Variants in DLC1 observed in about 807,000 individuals in gnomAD.
The protein encoded by DLC1 is rho GTPase-activating protein 7.
A neutral mutation model predicts 140.3 loss-of-function variants in DLC1; 54 were observed. That is an observed-to-expected ratio of 0.38 (90% CI 0.31 to 0.48). The LOEUF is 0.48. Among genes scored for constraint, DLC1 ranks in the 20% least tolerant of loss-of-function variants. The probability of loss-of-function intolerance (pLI) is 0.96; values close to 1 mark genes in which losing one functional copy is unlikely to be tolerated. For missense variants in DLC1, 2,536 were observed against 1,907.0 expected (o/e 1.33, Z -6.14); for synonymous variants, 986 against 728.1 (o/e 1.35, Z -5.70).
intron 2 of DLC1, among the ~76,000 whole-genome samples, chr8:13,427,369 C>T (rs1838639176): frequency 1.3e-5 from 2 of 152,198 alleles, no homozygotes; most frequent in African/African-American, 4.8e-5. Context: ...TCCTGAGGCT[C>T]CCCCTAGTCT....
chr8:13,582,889 T>C (rs1410596236), intron 1 of DLC1, among the ~76,000 whole-genome samples: 18 of 75,540 alleles, frequency 2.4e-4, no homozygotes, highest in Middle Eastern at 8.1e-3. Flanking sequence ...TATATATATA[T>C]ATATATATAT....
intron 1 of DLC1, among the ~76,000 whole-genome samples, chr8:13,570,887 A>T (rs1282572763): frequency 1.3e-5 from 2 of 152,132 alleles, no homozygotes; most frequent in African/African-American, 4.8e-5. Context: ...ATTCTAGACT[A>T]ACCTACCAGA....
chr8:13,422,719 T>C (rs1838374728), intron 2 of DLC1, among the ~76,000 whole-genome samples: 1 of 151,968 alleles, frequency 6.6e-6, no homozygotes, highest in Non-Finnish European at 1.5e-5. Flanking sequence ...ATCAATAATA[T>C]AGTATACACA....
At chr8:13,238,958 C>T (rs571948112) in intron 5 of DLC1, among the ~76,000 whole-genome samples, 3 of 152,292 alleles carry the variant, frequency 2.0e-5, no homozygotes, top group East Asian at 3.9e-4. Flanking sequence ...TGCACAGTCC[C>T]TGGCGTCAGG....
chr8:13,569,551 C>T (rs1804574369), intron 1 of DLC1, among the ~76,000 whole-genome samples: 1 of 152,018 alleles, frequency 6.6e-6, no homozygotes, highest in South Asian at 2.1e-4. Context: ...TAGAATTCCC[C>T]CATTAAAGGG....
intron 5 of DLC1, among the ~76,000 whole-genome samples, chr8:13,166,328 T>A (rs1274535038): frequency 1.3e-5 from 2 of 152,088 alleles, no homozygotes; most frequent in African/African-American, 4.8e-5. Context: ...TTTGATTTAT[T>A]TTTCTTTCTC....
intron 5 of DLC1, among the ~76,000 whole-genome samples, chr8:13,269,577 C>A (rs1233478259): frequency 4.0e-5 from 6 of 151,528 alleles, no homozygotes; most frequent in Admixed American, 1.3e-4. Context: ...TAGCCACAAC[C>A]CTATAGTCCT....
intron 1 of DLC1, among the ~76,000 whole-genome samples, chr8:13,525,249 G>A (rs1325349507): frequency 6.6e-6 from 1 of 152,114 alleles, no homozygotes; most frequent in Non-Finnish European, 1.5e-5. Flanking sequence ...GACATTTGGG[G>A]CAGTAACATT....
intron 15 of DLC1, 108 bp from the exon 16 acceptor site, chr8:13,088,812 A>T: frequency 1.2e-6 from 1 of 805,510 alleles, no homozygotes; most frequent in South Asian, 1.8e-5. Flanking sequence ...AATCAACGTT[A>T]ATTGATTAAA....
chr8:13,294,226 C>G (rs906642912), intron 5 of DLC1, among the ~76,000 whole-genome samples: 1 of 152,168 alleles, frequency 6.6e-6, no homozygotes, highest in African/African-American at 2.4e-5. Context: ...TTGCTGTGAA[C>G]TTAAAATTGC....
rs185904285 is a variant in DLC1, at chr8:13,351,274, G to A, written c.1314+42279C>T. On this transcript the variant is annotated intron_variant, in intron 4 of 17. Transcript: ENST00000276297. ...AGGGGAAAAGGATTATTATCCTCAT[G>A]TTATAGATGAAGACACTGAAGCACA... 4.9e-4 allele frequency among the ~76,000 whole-genome samples: 74 copies of A among 152,318 alleles called. 1 individual carries two copies. The highest frequency in any genetic ancestry group is 3.4e-3 in the Middle Eastern group (1 of 294).
chr8:13,302,515 G>C (rs1339662206), intron 5 of DLC1, among the ~76,000 whole-genome samples: 1 of 152,084 alleles, frequency 6.6e-6, no homozygotes, highest in East Asian at 1.9e-4. Flanking sequence ...ATAGAAGATA[G>C]CTACTTACAG....
At chr8:13,086,809 A>C (rs1467344002) in intron 16 of DLC1, among the ~76,000 whole-genome samples, 1 of 152,134 alleles carries the variant, frequency 6.6e-6, no homozygotes. Context: ...GGACTGCTTG[A>C]GCTCAGGAGT....
chr8:13,560,335 C>T (rs369391977), intron 1 of DLC1, among the ~76,000 whole-genome samples: 4 of 151,990 alleles, frequency 2.6e-5, no homozygotes, highest in East Asian at 1.9e-4. Flanking sequence ...AAAATAATTT[C>T]TTACTTAAGT....
At position 13,474,435 on chromosome 8, in the gene DLC1, A is replaced by G. The variant is rs528279618; in HGVS notation, c.1023+24614T>C. Among the ~76,000 whole-genome samples, 10 of 152,144 alleles carry G rather than the reference A, an allele frequency of 6.6e-5. No homozygotes were observed. The South Asian group carries it at 1.2e-3, about 19-fold the overall frequency. On this transcript the variant is annotated intron_variant, in intron 2 of 17. Transcript: ENST00000276297. ...TCTGCTAGGGCAGTGCAGAAGGAAA[A>G]TGTGGGGTCAGAACCCCCAAGTAGA...
intron 5 of DLC1, among the ~76,000 whole-genome samples, chr8:13,221,702 GTGTGTGTATA>G (rs1237713447): frequency 0.016 from 2,095 of 128,884 alleles, 36 homozygotes; most frequent in African/African-American, 0.045. Context: ...GTGTGTATAT[GTGTGTGTATA>G]TGTGTGTGTG....
chr8:13,474,585 C>T (rs908385135), intron 2 of DLC1, among the ~76,000 whole-genome samples: 6 of 152,124 alleles, frequency 3.9e-5, no homozygotes, highest in Non-Finnish European at 7.3e-5. Flanking sequence ...AACACCAGCC[C>T]GTGAAAGCAG....
At chr8:13,175,631 A>G (rs550842677) in intron 5 of DLC1, among the ~76,000 whole-genome samples, 10 of 152,336 alleles carry the variant, frequency 6.6e-5, no homozygotes, top group African/African-American at 2.2e-4. Flanking sequence ...ACTTCTCTCA[A>G]TGTGCACTAT....
At chr8:13,278,639 T>C (rs1019671155) in intron 5 of DLC1, among the ~76,000 whole-genome samples, 1 of 152,172 alleles carries the variant, frequency 6.6e-6, no homozygotes. Flanking sequence ...GAGTTTCCAG[T>C]CTAGATCTAT....
Sources: allele counts gnomAD v4.1 joint callset (sites outside exome capture counted in the v4.1 genomes callset), GRCh38; gene constraint gnomAD v4.1.1; transcripts MANE v1.5; gene names NCBI Gene and HGNC (gene_info 2026-07-23, HGNC 2026-07-21).